The following NHSL2 variants were observed in gnomAD, a reference collection of about 807,000 sequenced individuals.
The protein encoded by NHSL2 is NHS-like protein 2.
In NHSL2, 27 loss-of-function variants were observed where a neutral mutation model predicts 53.4. The observed-to-expected ratio is 0.51, with a 90% CI of 0.37 to 0.70. The LOEUF is 0.70. Among genes scored for constraint, NHSL2 ranks in the 30% least tolerant of loss-of-function variants. NHSL2 has a pLI of 0.00. For missense variants in NHSL2, 892 were observed against 980.1 expected, an observed-to-expected ratio of 0.91 and a Z score of 1.20; for synonymous variants, 408 against 404.1, an observed-to-expected ratio of 1.01 and a Z score of -0.12.
At chrX:71,925,128 A>C (rs1350998884) in intron 1 of NHSL2, among the ~76,000 whole-genome samples, 1 of 112,020 alleles carries the variant, frequency 8.9e-6, no homozygotes, top group African/African-American at 3.2e-5. Flanking sequence ...GTTAATGCCT[A>C]CCCTTAGCTT....
At chrX:72,086,680 T>C (rs2041848261) in intron 1 of NHSL2, among the ~76,000 whole-genome samples, 1 of 45,040 alleles carries the variant, frequency 2.2e-5, no homozygotes, top group Admixed American at 3.6e-4. Context: ...TGAAACTCCA[T>C]CTCAAAAAAA....
In NHSL2 at chrX:72,145,016, A is replaced by G. The variant is rs2042453010; in HGVS notation, c.*1442A>G. ...TGGGGAGGAAGACAAAGCACTGAGC[A>G]AAGAAAACCTGCTGACCAATGATGG... On this transcript the variant is annotated 3_prime_UTR_variant, in exon 8 of 8. Coordinates refer to ENST00000633930, the MANE Select transcript of NHSL2 (RefSeq NM_001013627.3). The G allele has an allele frequency of 1.8e-5, 2 of 112,123 alleles. No individual in the cohort carries two copies. Among genetic ancestry groups the G allele is most frequent in the Admixed American group, 1.9e-4 (2 of 10,506 alleles). The allele number at this position is 112,123 out of a possible 1,213,427, so 9.2% of individuals were successfully genotyped here. A position where few individuals can be genotyped will look rare whatever the true frequency, so the allele number is the denominator to read the frequency against.
At chrX:72,001,421 A>T (rs766404786) in intron 1 of NHSL2, among the ~76,000 whole-genome samples, 4 of 111,431 alleles carry the variant, frequency 3.6e-5, no homozygotes, top group Non-Finnish European at 5.7e-5. Context: ...CTTCTTCTGG[A>T]AATGGCCCTG....
At chrX:71,960,092 AT>A (rs2041861097) in intron 1 of NHSL2, among the ~76,000 whole-genome samples, 1 of 112,224 alleles carries the variant, frequency 8.9e-6, no homozygotes, top group African/African-American at 3.2e-5. Context: ...TATACTTTTA[AT>A]TTGCATTTCC....
At chrX:72,019,072 G>T (rs1338423675) in intron 1 of NHSL2, among the ~76,000 whole-genome samples, 3 of 112,375 alleles carry the variant, frequency 2.7e-5, no homozygotes, top group East Asian at 2.8e-4. Flanking sequence ...TCGCCAGAGA[G>T]GATCTGTGAT....
intron 1 of NHSL2, among the ~76,000 whole-genome samples, chrX:71,919,028 A>G (rs1260727268): frequency 1.8e-5 from 2 of 112,180 alleles, no homozygotes; most frequent in East Asian, 2.8e-4. Flanking sequence ...ACATACACAT[A>G]AGAAGAAACT....
rs570125266 is a variant in NHSL2, at chrX:71,994,522, T to C, written c.280+83155T>C. 6.3e-5 allele frequency among the ~76,000 whole-genome samples: 7 copies of C among 110,966 alleles called. No homozygotes were observed. The South Asian group carries it at 2.3e-3, about 36-fold the overall frequency. ...TGTGTTGCCCTATGTGACTAGTGTT[T>C]AAGGAATGAGGACAAAATAATCTAT... On this transcript the variant is annotated intron_variant, in intron 1 of 7. Transcript: ENST00000633930.
intron 1 of NHSL2, among the ~76,000 whole-genome samples, chrX:71,998,597 A>G (rs2042059489): frequency 9.0e-6 from 1 of 111,446 alleles, no homozygotes; most frequent in South Asian, 3.8e-4. Flanking sequence ...AGGGCTGGAG[A>G]GAAGGGGGCT....
chrX:72,138,206 C>G (rs1273551695), intron 5 of NHSL2, among the ~76,000 whole-genome samples: 1 of 111,938 alleles, frequency 8.9e-6, no homozygotes, highest in African/African-American at 3.3e-5. Context: ...ATAATCAAAG[C>G]TGGAAAGTAT....
chrX:71,969,905 G>A (rs755912188), intron 1 of NHSL2, among the ~76,000 whole-genome samples: 2 of 111,735 alleles, frequency 1.8e-5, no homozygotes, highest in African/African-American at 6.5e-5. Context: ...TTGGCTGTGG[G>A]TTTTTCGTAG....
intron 1 of NHSL2, among the ~76,000 whole-genome samples, chrX:71,982,713 G>A (rs762379294): frequency 1.2e-4 from 14 of 112,288 alleles, no homozygotes; most frequent in Non-Finnish European, 2.6e-4. Flanking sequence ...TTCATGGAGG[G>A]TGGCCTACCC....
intron 1 of NHSL2, among the ~76,000 whole-genome samples, chrX:71,985,902 A>C (rs1317522006): frequency 2.7e-5 from 3 of 112,404 alleles, no homozygotes; most frequent in Non-Finnish European, 3.8e-5. Context: ...AAAGAGGATC[A>C]AAACAAGACA....
chrX:72,005,609 A>C (rs1602305990), intron 1 of NHSL2, among the ~76,000 whole-genome samples: 1 of 112,048 alleles, frequency 8.9e-6, no homozygotes, highest in Admixed American at 9.4e-5. Context: ...GAGGAACTTG[A>C]CAATGGGGCG....
intron 1 of NHSL2, among the ~76,000 whole-genome samples, chrX:72,073,295 G>A (rs184661466): frequency 9.0e-6 from 1 of 110,721 alleles, no homozygotes; most frequent in Non-Finnish European, 1.9e-5. Flanking sequence ...GTCGCAGCAC[G>A]TGGAAGCCCA....
intron 1 of NHSL2, among the ~76,000 whole-genome samples, chrX:71,922,183 A>G (rs2041662748): frequency 8.9e-6 from 1 of 112,272 alleles, no homozygotes; most frequent in African/African-American, 3.2e-5. Context: ...CGCAACAGAA[A>G]TAGTTTTAGA....
intron 1 of NHSL2, among the ~76,000 whole-genome samples, chrX:71,949,832 A>G (rs2147839280): frequency 8.9e-6 from 1 of 112,928 alleles, no homozygotes; most frequent in Non-Finnish European, 1.9e-5. Flanking sequence ...TCTGCCTTCC[A>G]CATACCAAGC....
chrX:71,964,188 A>G (rs1010594690), intron 1 of NHSL2, among the ~76,000 whole-genome samples: 26 of 101,695 alleles, frequency 2.6e-4, no homozygotes, highest in Non-Finnish European at 3.8e-4. Context: ...TACATTAGTT[A>G]TTTCTCCTAA....
At chrX:72,044,483 C>G (rs1458407805) in intron 1 of NHSL2, 3 of 484,640 alleles carry the variant, frequency 6.2e-6, no homozygotes, top group Non-Finnish European at 1.1e-5. Flanking sequence ...GTTTGGGATC[C>G]CACAGAACTC....
rs1448851818 is a variant in NHSL2 at position 72,143,903 on chromosome X, C to CGGCT, written c.*331_*334dup. 1.3e-5 allele frequency: 2 copies of CGGCT among 150,954 alleles called. No individual in the cohort carries two copies. The highest frequency in any genetic ancestry group is 1.5e-4 in the Admixed American group (2 of 12,955). 12.4% of individuals were successfully genotyped at this position (150,954 alleles called of 1,213,427 possible). A position where few individuals can be genotyped will look rare whatever the true frequency, so the allele number is the denominator to read the frequency against. On this transcript the variant is annotated 3_prime_UTR_variant, in exon 8 of 8. Coordinates refer to ENST00000633930, the MANE Select transcript of NHSL2 (RefSeq NM_001013627.3). Reference sequence around the variant, plus strand: ...GTGCCACTTTTTCAATTCAGTGACCCGGCTGCTCCATCCCTGGCTCCTGTC... The same window carrying CGGCT: ...GTGCCACTTTTTCAATTCAGTGACCCGGCTGGCTGCTCCATCCCTGGCTCCTGTC...
Sources: gnomAD v4.1 joint callset for allele counts (sites outside exome capture counted in the v4.1 genomes callset) on GRCh38, gnomAD v4.1.1 for gene constraint, MANE v1.5 for transcripts, NCBI Gene and HGNC (gene_info 2026-07-23, HGNC 2026-07-21) for gene names.